The following LGSN variants were observed in gnomAD, a reference collection of about 807,000 sequenced individuals.
LGSN encodes lengsin, lens protein with glutamine synthetase domain, also known as lengsin.
LGSN carries 21 observed loss-of-function variants against 19.5 expected under a neutral mutation model. That is an observed-to-expected ratio of 1.07 (90% CI 0.76 to 1.55). The LOEUF (loss-of-function observed/expected upper bound fraction) is 1.55, where lower values mean the gene tolerates loss of function less well. LGSN is among the 40% of genes most tolerant of loss of function. LGSN has a pLI of 0.00. For missense variants in LGSN, 673 were observed against 608.5 expected (o/e 1.11, Z -1.12); for synonymous variants, 257 against 215.6 (o/e 1.19, Z -1.68).
chr6:63,404,792 G>GT, the LGSN span, among the ~76,000 whole-genome samples: 4 of 151,256 alleles, frequency 2.6e-5, no homozygotes, highest in Non-Finnish European at 4.4e-5. Flanking sequence ...CTAAAAAAAA[G>GT]TATTTCTTTT....
At chr6:63,567,926 C>T in the LGSN span, among the ~76,000 whole-genome samples, 1 of 152,204 alleles carries the variant, frequency 6.6e-6, no homozygotes. Flanking sequence ...TACTCTTAAA[C>T]CTCATGAATC....
At chr6:63,333,138 C>T in the LGSN span, among the ~76,000 whole-genome samples, 1 of 151,858 alleles carries the variant, frequency 6.6e-6, no homozygotes, top group Non-Finnish European at 1.5e-5. Flanking sequence ...GCGGGTTCCC[C>T]CTGCTGGCTC....
the LGSN span, among the ~76,000 whole-genome samples, chr6:63,529,670 G>A: frequency 3.3e-5 from 5 of 152,162 alleles, no homozygotes; most frequent in African/African-American, 7.2e-5. Context: ...TAAAATGAAA[G>A]TTAGAAAACT....
the LGSN span, among the ~76,000 whole-genome samples, chr6:63,467,542 TTGGCTTACCAA>T: frequency 5.3e-5 from 8 of 152,238 alleles, no homozygotes; most frequent in Non-Finnish European, 1.2e-4. Flanking sequence ...GCCTGTCTCC[TTGGCTTACCAA>T]TGGGGCACCT....
At chr6:63,348,498 A>G in the LGSN span, among the ~76,000 whole-genome samples, 28 of 152,258 alleles carry the variant, frequency 1.8e-4, no homozygotes, top group African/African-American at 6.5e-4. Flanking sequence ...AGCATTCACA[A>G]TGCAGGTCTA....
intron 1 of LGSN, among the ~76,000 whole-genome samples, chr6:63,300,448 C>T (rs1768140421): frequency 6.6e-6 from 1 of 152,214 alleles, no homozygotes; most frequent in South Asian, 2.1e-4. Flanking sequence ...GGGAGCATCA[C>T]TTGACCCCAG....
chr6:63,503,789 G>A, the LGSN span, among the ~76,000 whole-genome samples: 2 of 152,038 alleles, frequency 1.3e-5, no homozygotes, highest in Non-Finnish European at 2.9e-5. Context: ...AGTGGCACCT[G>A]CCTCTAGTCT....
At chr6:63,442,446 G>T in the LGSN span, among the ~76,000 whole-genome samples, 1 of 125,330 alleles carries the variant, frequency 8.0e-6, no homozygotes, top group Non-Finnish European at 1.8e-5. Context: ...GGTCCGTTTT[G>T]ACAGGGTCCT....
chr6:63,492,848 T>A, the LGSN span, among the ~76,000 whole-genome samples: 1 of 152,350 alleles, frequency 6.6e-6, no homozygotes, highest in East Asian at 1.9e-4. Context: ...GCTGAGTACT[T>A]TTGAGAAATG....
chr6:63,429,026 A>T, the LGSN span, among the ~76,000 whole-genome samples: 1 of 152,074 alleles, frequency 6.6e-6, no homozygotes, highest in African/African-American at 2.4e-5. Context: ...AAAAAGAAAA[A>T]ATTACAGCAA....
chr6:63,520,591 A>G, the LGSN span, among the ~76,000 whole-genome samples: 10 of 152,010 alleles, frequency 6.6e-5, no homozygotes, highest in East Asian at 1.9e-3. Flanking sequence ...AGATCATGCC[A>G]CTTCACTCCA....
chr6:63,350,230 C>T, the LGSN span, among the ~76,000 whole-genome samples: 1 of 152,146 alleles, frequency 6.6e-6, no homozygotes, highest in Non-Finnish European at 1.5e-5. Flanking sequence ...TAGCTGTGTT[C>T]TATTCAATTA....
At position 63,276,163 on chromosome 6, in the gene LGSN, T is replaced by C. The variant is rs1470605079; in HGVS notation, c.*3858A>G. On this transcript the variant is annotated 3_prime_UTR_variant, in exon 4 of 4. Transcript: ENST00000370657. ...TCCAGTCATACCTATATCATAAACA[T>C]ATTGGTGAGTGTATTTTGTCAAACA... is the stretch of plus-strand genomic sequence containing the variant. 6.6e-6 allele frequency: 1 copy of C among 152,184 alleles called. No individual in the cohort carries two copies. The highest frequency in any genetic ancestry group is 1.5e-5 in the Non-Finnish European group (1 of 68,020). The allele number at this position is 152,184 out of a possible 1,614,324, so 9.4% of individuals were successfully genotyped here.
At chr6:63,423,181 T>C in the LGSN span, among the ~76,000 whole-genome samples, 1 of 152,020 alleles carries the variant, frequency 6.6e-6, no homozygotes, top group African/African-American at 2.4e-5. Flanking sequence ...ATCCTGTCTC[T>C]ACAAAAAATA....
chr6:63,529,579 G>A, the LGSN span, among the ~76,000 whole-genome samples: 4 of 152,160 alleles, frequency 2.6e-5, no homozygotes, highest in Admixed American at 6.5e-5. Context: ...TTTTGTAGAG[G>A]AGGGGCTTAA....
the LGSN span, among the ~76,000 whole-genome samples, chr6:63,552,662 T>G: frequency 6.6e-6 from 1 of 152,230 alleles, no homozygotes; most frequent in Non-Finnish European, 1.5e-5. Context: ...ATTTTTATGG[T>G]TTTAGTTCTA....
chr6:63,281,262 AAC>A, intron 3 of LGSN, 42 bp from the exon 4 acceptor site: 1 of 1,395,328 alleles, frequency 7.2e-7, no homozygotes, highest in African/African-American at 1.5e-5. Flanking sequence ...TTTGAAAACA[AAC>A]AAAAGGGTCG....
the LGSN span, chr6:63,549,277 G>C: frequency 1.3e-6 from 1 of 753,450 alleles, no homozygotes; most frequent in Non-Finnish European, 2.4e-6. Flanking sequence ...TTAATCTCAG[G>C]AGGCACTTTC....
the LGSN span, among the ~76,000 whole-genome samples, chr6:63,529,433 A>C: frequency 6.6e-6 from 1 of 151,998 alleles, no homozygotes; most frequent in Non-Finnish European, 1.5e-5. Context: ...AGGCAAAATA[A>C]TTGTCCAGAT....
Sources: allele counts gnomAD v4.1 joint callset (sites outside exome capture counted in the v4.1 genomes callset), GRCh38; gene constraint gnomAD v4.1.1; transcripts MANE v1.5; gene names NCBI Gene and HGNC (gene_info 2026-07-23, HGNC 2026-07-21).